ADRA1A: variants seen among roughly 807,000 people sequenced by gnomAD.
The protein encoded by ADRA1A is alpha-1A adrenergic receptor.
Under a neutral mutation model 29.6 loss-of-function variants are expected in ADRA1A, and 31 were observed. That is an observed-to-expected ratio of 1.05 (90% confidence interval 0.79 to 1.41). The LOEUF (loss-of-function observed/expected upper bound fraction) is 1.41, where lower values mean the gene tolerates loss of function less well. ADRA1A is among the 40% of genes most tolerant of loss of function. The pLI is 0.00. For missense variants in ADRA1A, 619 were observed against 601.1 expected (o/e 1.03, Z -0.31); for synonymous variants, 311 against 254.3 (o/e 1.22, Z -2.12).
intron 2 of ADRA1A, among the ~76,000 whole-genome samples, chr8:26,842,866 T>TACACACACACACAC (rs57750998): frequency 2.5e-4 from 36 of 142,748 alleles, no homozygotes; most frequent in African/African-American, 4.2e-4. Flanking sequence ...TCTCTCTTTC[T>TACACACACACACAC]ACACACACAC....
intron 2 of ADRA1A, among the ~76,000 whole-genome samples, chr8:26,835,590 C>T (rs2019375): frequency 2.9e-4 from 44 of 152,206 alleles, no homozygotes; most frequent in African/African-American, 7.0e-4. Context: ...CTTACTATCA[C>T]GAGAATAGCA....
intron 2 of ADRA1A, among the ~76,000 whole-genome samples, chr8:26,851,798 T>C (rs1733891134): frequency 6.6e-6 from 1 of 152,024 alleles, no homozygotes; most frequent in Non-Finnish European, 1.5e-5. Flanking sequence ...GGAAGAAACC[T>C]GGTAGCAAAG....
chr8:26,790,320 C>G (rs965576995), intron 2 of ADRA1A, among the ~76,000 whole-genome samples: 13 of 152,050 alleles, frequency 8.5e-5, no homozygotes, highest in African/African-American at 3.1e-4. Context: ...ATGGATGAGC[C>G]TGGAGGACAC....
At chr8:26,830,601 C>T (rs190901550) in intron 2 of ADRA1A, among the ~76,000 whole-genome samples, 120 of 152,272 alleles carry the variant, frequency 7.9e-4, no homozygotes, top group Non-Finnish European at 1.6e-4. Flanking sequence ...CATAGTTGAA[C>T]CTTCTCATCA....
chr8:26,779,494 C>T, intron 2 of ADRA1A: 1 of 644,468 alleles, frequency 1.6e-6, no homozygotes, highest in East Asian at 2.8e-5. Flanking sequence ...AGAGCAGATG[C>T]TTCTAGGCAA....
downstream of ADRA1A, among the ~76,000 whole-genome samples, chr8:26,753,969 A>G (rs1224898425): frequency 6.6e-6 from 1 of 152,240 alleles, no homozygotes; most frequent in East Asian, 1.9e-4. Context: ...ATTCATTTTT[A>G]TCAGTGGGCA....
intron 2 of ADRA1A, among the ~76,000 whole-genome samples, chr8:26,784,375 C>T (rs1360496872): frequency 6.6e-6 from 1 of 152,182 alleles, no homozygotes; most frequent in Non-Finnish European, 1.5e-5. Context: ...GTGATTAATT[C>T]AGAACATATC....
At chr8:26,748,750 T>TAAAAAA in intron 2 of ADRA1A, 4 of 303,536 alleles carry the variant, frequency 1.3e-5, no homozygotes, top group Admixed American at 4.7e-5. Context: ...AGACTTCGTC[T>TAAAAAA]AAAAAAAAAA....
chr8:26,848,216 C>T lies in ADRA1A; in HGVS notation c.883+15871G>A, dbSNP rs1812354024. ...CATGAGCATAGCAACCTCCATCTTC[C>T]TGGCTACTTCTGGGATTTAAATTAG... On this transcript the variant is annotated intron_variant, in intron 2 of 2. Coordinates refer to ENST00000380573, the MANE Select transcript of ADRA1A (RefSeq NM_000680.4). This position sits in a 1 kb window ranked among gnomAD's most constrained non-coding sequence, Gnocchi z 4.3. 6.6e-6 allele frequency among the ~76,000 whole-genome samples: 1 copy of T among 152,224 alleles called. No homozygotes were observed. The highest frequency in any genetic ancestry group is 1.5e-5 in the Non-Finnish European group (1 of 68,040).
In ADRA1A at chr8:26,769,248, G is replaced by A; in HGVS notation, c.*901C>T. Reference sequence around the variant, plus strand: ...TTGTAAGCCATGTTGAAATGGCTGTGCAGTAAGTGAACAGCCTCTATCTTT... The same window carrying A: ...TTGTAAGCCATGTTGAAATGGCTGTACAGTAAGTGAACAGCCTCTATCTTT... On this transcript the variant is annotated 3_prime_UTR_variant, in exon 3 of 3. Transcript: ENST00000380573. 4.1e-6 allele frequency: 4 copies of A among 984,962 alleles called. No homozygotes were observed. The highest frequency in any genetic ancestry group is 4.8e-6 in the Non-Finnish European group (4 of 829,514). 61.0% of individuals were successfully genotyped at this position (984,962 alleles called of 1,614,324 possible).
rs766377205 is a variant in ADRA1A at position 26,864,483 on chromosome 8, A to C, written c.487T>G (p.Phe163Val). The C allele has an allele frequency of 4.3e-6, 7 of 1,613,872 alleles. No individual in the cohort carries two copies. The highest frequency in any genetic ancestry group is 5.1e-6 in the Non-Finnish European group (6 of 1,180,036). ...LSLVISIGPLFGWRQPAPEDE... is the reference protein window; with the variant it reads ...LSLVISIGPLVGWRQPAPEDE... ...TCGGGGGCCGGCTGCCTCCAGCCGA[A>C]CAGGGGTCCAATGGATATGACCAGG... Residue 163 changes from phenylalanine to valine, a missense_variant, in exon 2 of 3, where the codon TTC becomes GTC. Phe to Val is a conservative substitution (Grantham distance 50). Transcript: ENST00000380573. The surrounding 1 kb of genome is among the most constrained non-coding windows in gnomAD (Gnocchi z 8.1).
chr8:26,824,232 A>G (rs569690077), intron 2 of ADRA1A, among the ~76,000 whole-genome samples: 83 of 152,244 alleles, frequency 5.5e-4, no homozygotes, highest in Non-Finnish European at 9.7e-4. Context: ...AATCACGAAC[A>G]GTTTAAGCAA....
chr8:26,856,699 C>T (rs75282898), intron 2 of ADRA1A, among the ~76,000 whole-genome samples: 1 of 152,186 alleles, frequency 6.6e-6, no homozygotes, highest in Non-Finnish European at 1.5e-5. Context: ...TCTACCCTCC[C>T]AGTCCAGGAC....
intron 2 of ADRA1A, chr8:26,858,967 A>C (rs1813243595): frequency 9.4e-7 from 1 of 1,060,086 alleles, no homozygotes; most frequent in African/African-American, 1.7e-5. Context: ...GAAGCTTGGG[A>C]AAAGGGAACG....
At chr8:26,827,973 C>T (rs926284840) in intron 2 of ADRA1A, among the ~76,000 whole-genome samples, 1 of 151,972 alleles carries the variant, frequency 6.6e-6, no homozygotes, top group Admixed American at 6.6e-5. Flanking sequence ...GGCTCACTGC[C>T]CCCTCAACTT....
intron 2 of ADRA1A, among the ~76,000 whole-genome samples, chr8:26,855,191 A>G (rs1329853602): frequency 6.7e-6 from 1 of 148,494 alleles, no homozygotes; most frequent in Non-Finnish European, 1.5e-5. Flanking sequence ...AGTTTATTAA[A>G]TTTAACTAAA....
At chr8:26,795,141 T>C (rs533742181) in intron 2 of ADRA1A, among the ~76,000 whole-genome samples, 1 of 152,200 alleles carries the variant, frequency 6.6e-6, no homozygotes, top group African/African-American at 2.4e-5. Flanking sequence ...CCTGGAGAAA[T>C]GGCTGATTCC....
At chr8:26,751,439 C>A (rs1413299700), downstream of ADRA1A, among the ~76,000 whole-genome samples, 2 of 152,030 alleles carry the variant, frequency 1.3e-5, no homozygotes, top group Non-Finnish European at 2.9e-5. Context: ...CATTAAGAGG[C>A]CTTTTGTCTA....
chr8:26,863,811 AG>A (rs1813656199), intron 2 of ADRA1A, among the ~76,000 whole-genome samples: 1 of 152,220 alleles, frequency 6.6e-6, no homozygotes, highest in Non-Finnish European at 1.5e-5. Context: ...CATTAAGAAA[AG>A]TTGACATTCT....
Sources: allele counts gnomAD v4.1 joint callset (sites outside exome capture counted in the v4.1 genomes callset), GRCh38; gene constraint gnomAD v4.1.1; non-coding constraint Gnocchi (gnomAD v3.1); transcripts MANE v1.5; gene names NCBI Gene and HGNC (gene_info 2026-07-23, HGNC 2026-07-21).